Variants in EMILIN2 observed in about 807,000 individuals in gnomAD.
EMILIN2 encodes the protein EMILIN-2.
A neutral mutation model predicts 87.1 loss-of-function variants in EMILIN2; 71 were observed. The observed-to-expected ratio is 0.82, with a 90% CI of 0.67 to 0.99. The LOEUF is 0.99. Among genes scored for constraint, EMILIN2 ranks in the 50% least tolerant of loss-of-function variants. The pLI is 0.00. For synonymous variants in EMILIN2, 581 were observed against 563.4 expected, an observed-to-expected ratio of 1.03 and a Z score of -0.44; for missense variants, 1,407 against 1,371.8, an observed-to-expected ratio of 1.03 and a Z score of -0.40.
intron 3 of EMILIN2, among the ~76,000 whole-genome samples, chr18:2,889,635 T>C (rs1402018181): frequency 1.3e-5 from 2 of 151,884 alleles, no homozygotes; most frequent in African/African-American, 4.8e-5. Context: ...CTTGGTGTTT[T>C]CTCAAAATAA....
chr18:2,885,684 A>AT (rs1289373949), intron 3 of EMILIN2, among the ~76,000 whole-genome samples: 5 of 151,752 alleles, frequency 3.3e-5, no homozygotes, highest in Non-Finnish European at 2.9e-5. Flanking sequence ...TGCCCGGCTG[A>AT]TTTTTGTACT....
chr18:2,860,511 G>A (rs1341117208), intron 2 of EMILIN2, among the ~76,000 whole-genome samples: 2 of 152,104 alleles, frequency 1.3e-5, no homozygotes, highest in Non-Finnish European at 2.9e-5. Flanking sequence ...CCTTGTGATA[G>A]TTTGCTGAGA....
intron 2 of EMILIN2, among the ~76,000 whole-genome samples, chr18:2,858,551 ATATATATATATATATATATG>A (rs1188705123): frequency 1.9e-4 from 9 of 48,450 alleles, no homozygotes; most frequent in Admixed American, 2.1e-4. Context: ...ATATATATAT[ATATATATATATATATATATG>A]TGTGTGTGTG....
chr18:2,890,863 G>T lies in EMILIN2; in HGVS notation c.736G>T (p.Gly246Cys). The T allele has an allele frequency of 6.2e-7, 1 of 1,613,794 alleles. No homozygotes were observed. The highest frequency in any genetic ancestry group is 8.5e-7 in the Non-Finnish European group (1 of 1,180,010). Residue 246 changes from glycine to cysteine, a missense_variant, in exon 4 of 8, where the codon GGC (glycine) becomes TGC (cysteine). Transcript: ENST00000254528. The surrounding 1 kb of genome is among the most constrained non-coding windows in gnomAD (Gnocchi z 4.7). Reference protein sequence around the residue: ...DTTVSGDTETGQSPGVFNTKE... With the variant: ...DTTVSGDTETCQSPGVFNTKE... ...CACTGTTAGTGGAGACACAGAAACG[G>T]GCCAGAGTCCTGGTGTCTTCAACAC...
intron 5 of EMILIN2, 88 bp from the exon 6 acceptor site, chr18:2,908,855 T>C (rs2076927242): frequency 2.0e-6 from 3 of 1,505,522 alleles, no homozygotes; most frequent in Non-Finnish European, 2.8e-6. Context: ...GATTTGAACT[T>C]GTGAGGAGCA....
chr18:2,853,074 C>T (rs2076609267), intron 2 of EMILIN2, among the ~76,000 whole-genome samples: 1 of 152,162 alleles, frequency 6.6e-6, no homozygotes, highest in South Asian at 2.1e-4. Context: ...GGAGAGGACA[C>T]AGAAGGGACC....
chr18:2,846,396 C>T (rs2076573480), upstream of EMILIN2, among the ~76,000 whole-genome samples: 1 of 152,242 alleles, frequency 6.6e-6, no homozygotes, highest in Admixed American at 6.5e-5. This position sits in a 1 kb window ranked among gnomAD's most constrained non-coding sequence, Gnocchi z 5.3. Flanking sequence ...TAGAGCCGGA[C>T]GCTGAGCTGC....
intron 2 of EMILIN2, among the ~76,000 whole-genome samples, chr18:2,851,532 G>A (rs1203320593): frequency 5.3e-5 from 8 of 152,184 alleles, no homozygotes; most frequent in Non-Finnish European, 1.2e-4. Flanking sequence ...CTGGGAAATG[G>A]GGTGTGATGG....
At chr18:2,866,580 G>A (rs571523473) in intron 2 of EMILIN2, among the ~76,000 whole-genome samples, 7 of 152,334 alleles carry the variant, frequency 4.6e-5, no homozygotes, top group African/African-American at 1.7e-4. Context: ...TCACTTATCA[G>A]TTCTAGGAGC....
chr18:2,858,221 T>C (rs2076637510), intron 2 of EMILIN2, among the ~76,000 whole-genome samples: 1 of 151,648 alleles, frequency 6.6e-6, no homozygotes, highest in South Asian at 2.1e-4. Flanking sequence ...CATGAGTAAA[T>C]TCTTTAGTGG....
At chr18:2,863,133 C>G (rs376157767) in intron 2 of EMILIN2, among the ~76,000 whole-genome samples, 4 of 152,104 alleles carry the variant, frequency 2.6e-5, no homozygotes, top group Non-Finnish European at 5.9e-5. Flanking sequence ...GTCTTGCTAG[C>G]GGTCTATCAA....
chr18:2,910,064 C>T (rs562327550), intron 7 of EMILIN2, among the ~76,000 whole-genome samples: 43 of 152,262 alleles, frequency 2.8e-4, no homozygotes, highest in African/African-American at 9.9e-4. Context: ...GAGGTCAACA[C>T]GCTAGTCCTC....
intron 7 of EMILIN2, among the ~76,000 whole-genome samples, chr18:2,912,476 TCTC>T (rs2076946062): frequency 6.6e-6 from 1 of 152,156 alleles, no homozygotes; most frequent in Non-Finnish European, 1.5e-5. Flanking sequence ...TGGCACTGAC[TCTC>T]CTAGCTGTGG....
In EMILIN2 at chr18:2,891,930, C is replaced by A; in HGVS notation, c.1803C>A (p.Ile601=). The A allele has an allele frequency of 6.2e-7, 1 of 1,614,214 alleles. No individual in the cohort carries two copies. The highest frequency in any genetic ancestry group is 8.5e-7 in the Non-Finnish European group (1 of 1,180,048). Residue 601 remains isoleucine, a synonymous_variant, in exon 4 of 8, where the codon ATC becomes ATA. Coordinates refer to ENST00000254528, the MANE Select transcript of EMILIN2 (RefSeq NM_032048.3). This position sits in a 1 kb window ranked among gnomAD's most constrained non-coding sequence, Gnocchi z 4.6. ...AGTTTCAAGAAACCGAACAAACCAT[C>A]CAGAAACTTCAACAGGATTTTAGTT... The part of the protein sequence containing the change: ...HRKFQETEQT[I]QKLQQDFSFL...
intron 2 of EMILIN2, among the ~76,000 whole-genome samples, chr18:2,881,365 C>G (rs942473607): frequency 6.6e-6 from 1 of 152,162 alleles, no homozygotes; most frequent in African/African-American, 2.4e-5. Flanking sequence ...AGAAACTCAA[C>G]AGCAGGCAGA....
rs190829010 is a variant in EMILIN2, at chr18:2,915,586, G to A, written c.*2182G>A. On this transcript the variant is annotated 3_prime_UTR_variant, in exon 8 of 8. Coordinates refer to ENST00000254528, the MANE Select transcript of EMILIN2 (RefSeq NM_032048.3). Reference sequence around the variant, plus strand: ...CGCCCAGGCTGGAGTGCAGTAGCGCGATCTCAGCTCACTGCAACCTCCGCC... The same window carrying A: ...CGCCCAGGCTGGAGTGCAGTAGCGCAATCTCAGCTCACTGCAACCTCCGCC... The A allele has an allele frequency of 9.2e-5, 14 of 152,098 alleles. No homozygotes were observed. The highest frequency in any genetic ancestry group is 1.3e-4 in the Non-Finnish European group (9 of 68,120). The allele number at this position is 152,098 out of a possible 1,614,324, so 9.4% of individuals were successfully genotyped here. A position where few individuals can be genotyped will look rare whatever the true frequency, so the allele number is the denominator to read the frequency against.
chr18:2,866,698 T>G (rs1399971984), intron 2 of EMILIN2, among the ~76,000 whole-genome samples: 1 of 152,214 alleles, frequency 6.6e-6, no homozygotes, highest in African/African-American at 2.4e-5. Context: ...TTCTTTCTTG[T>G]CTGATTGCTC....
Position 2,913,436 on chromosome 18 carries a change from A to G in EMILIN2, c.*32A>G, listed in dbSNP as rs772862945. ...TGGGGAGATGTCAGGGGAAAGATAG[A>G]TAGTTGTAAAAACTCTAAAGCTTTA... On this transcript the variant is annotated 3_prime_UTR_variant, in exon 8 of 8. Transcript: ENST00000254528. The G allele has an allele frequency of 1.1e-5, 17 of 1,493,600 alleles. No homozygotes were observed. Among genetic ancestry groups the G allele is most frequent in the Non-Finnish European group, 1.5e-5 (17 of 1,105,524 alleles). The allele number at this position is 1,493,600 out of a possible 1,614,324, so 92.5% of individuals were successfully genotyped here.
intron 5 of EMILIN2, among the ~76,000 whole-genome samples, chr18:2,908,500 CATCT>C (rs369897728): frequency 4.5e-4 from 69 of 152,356 alleles, no homozygotes; most frequent in African/African-American, 1.5e-3. Context: ...TCCACTCATC[CATCT>C]ATTTGTCCCT....
Sources: allele counts gnomAD v4.1 joint callset (sites outside exome capture counted in the v4.1 genomes callset), GRCh38; gene constraint gnomAD v4.1.1; non-coding constraint Gnocchi (gnomAD v3.1); transcripts MANE v1.5; gene names NCBI Gene and HGNC (gene_info 2026-07-23, HGNC 2026-07-21).